Variants in RAD23B observed in about 807,000 individuals in gnomAD.
RAD23B encodes the protein lysine-specific demethylase RAD23B.
A neutral mutation model predicts 49.1 loss-of-function variants in RAD23B; 5 were observed. The ratio of observed to expected loss-of-function variants is 0.10; its 90% CI spans 0.05 to 0.21. The LOEUF is 0.21. Among genes scored for constraint, RAD23B ranks in the 10% least tolerant of loss-of-function variants. The pLI is 1.00. For missense variants in RAD23B, 356 were observed against 486.7 expected (o/e 0.73, Z 2.53); for synonymous variants, 184 against 165.4 (o/e 1.11, Z -0.86).
At chr9:107,305,829 G>A (rs1182748166) in intron 3 of RAD23B, among the ~76,000 whole-genome samples, 1 of 151,706 alleles carries the variant, frequency 6.6e-6, no homozygotes, top group Admixed American at 6.6e-5. Context: ...ATTATTTTGG[G>A]CTGGATGTAG....
chr9:107,293,377 A>G (rs1833422761), intron 1 of RAD23B, among the ~76,000 whole-genome samples: 1 of 152,152 alleles, frequency 6.6e-6, no homozygotes, highest in Admixed American at 6.5e-5. Context: ...GGCTACTACA[A>G]CCTCATAGAG....
chr9:107,291,231 T>C (rs183099824), intron 1 of RAD23B, among the ~76,000 whole-genome samples: 1 of 152,302 alleles, frequency 6.6e-6, no homozygotes, highest in East Asian at 1.9e-4. Context: ...ACTGGCGAGA[T>C]CCATTCTTTG....
At chr9:107,310,144 ATG>A (rs1308132966) in intron 4 of RAD23B, among the ~76,000 whole-genome samples, 2 of 152,312 alleles carry the variant, frequency 1.3e-5, no homozygotes, top group Admixed American at 6.5e-5. Flanking sequence ...TTTCAGAACA[ATG>A]TGGGGAAAAT....
In RAD23B at chr9:107,306,521, C is replaced by T. The variant is rs111972101; in HGVS notation, c.371C>T (p.Ala124Val). Residue 124 changes from alanine (A) to valine (V), a missense_variant, in exon 4 of 10, where the codon GCA (alanine) becomes GTA (valine). Coordinates refer to ENST00000358015, the MANE Select transcript of RAD23B (RefSeq NM_002874.5). ...VPALAPTSTP[A>V]SITPASATAS... ...GCCTTGGCCCCCACTTCCACACCTG[C>T]ATCCATCACTCCAGCATCAGCGACA... 774 of 1,614,034 alleles carry T rather than the reference C, an allele frequency of 4.8e-4. 1 individual carries two copies. Among genetic ancestry groups the T allele is most frequent in the Non-Finnish European group, 6.4e-4 (753 of 1,180,038 alleles).
chr9:107,291,263 A>G (rs973602840), intron 1 of RAD23B, among the ~76,000 whole-genome samples: 10 of 152,224 alleles, frequency 6.6e-5, no homozygotes, highest in African/African-American at 2.2e-4. Context: ...ACTTACAGGT[A>G]TCTTGGGAAT....
Position 107,324,835 on chromosome 9 carries a change from A to T in RAD23B, c.947A>T (p.Gln316Leu). ...IGRENPQLLQ[Q>L]ISQHQEHFIQ... ...TCTCTGTCCTTCATATCACCACAGCAAATTAGCCAACACCAGGAGCATTTT... is the reference window on the plus strand; with the variant it reads ...TCTCTGTCCTTCATATCACCACAGCTAATTAGCCAACACCAGGAGCATTTT... The change falls in exon 9 of 10, where the codon CAA becomes CTA. Residue 316 changes from glutamine to leucine, a missense_variant and splice_region_variant. Transcript: ENST00000358015. The T allele has an allele frequency of 6.2e-7, 1 of 1,602,758 alleles. No individual in the cohort carries two copies. Among genetic ancestry groups the T allele is most frequent in the Non-Finnish European group, 8.5e-7 (1 of 1,175,868 alleles).
At chr9:107,292,142 T>C (rs1564240126) in intron 1 of RAD23B, among the ~76,000 whole-genome samples, 1 of 151,726 alleles carries the variant, frequency 6.6e-6, no homozygotes, top group African/African-American at 2.4e-5. Flanking sequence ...TAGCTTTTTT[T>C]CCTCAAACAT....
Position 107,331,665 on chromosome 9 carries a change from T to A in RAD23B, c.*2009T>A. On this transcript the variant is annotated 3_prime_UTR_variant, in exon 10 of 10. Transcript: ENST00000358015. ...TTATTTTATGACATTCTCTGTCTAC[T>A]CAGATCATAGTGAAAACTGGAAACA... is the stretch of plus-strand genomic sequence containing the variant. The A allele has an allele frequency of 1.3e-6, 1 of 770,550 alleles. No homozygotes were observed. The highest frequency in any genetic ancestry group is 2.4e-6 in the Non-Finnish European group (1 of 415,838). 47.7% of individuals were successfully genotyped at this position (770,550 alleles called of 1,614,324 possible).
At chr9:107,291,844 TTGC>T (rs1833389959) in intron 1 of RAD23B, among the ~76,000 whole-genome samples, 1 of 152,258 alleles carries the variant, frequency 6.6e-6, no homozygotes, top group Non-Finnish European at 1.5e-5. Context: ...CAAAATTTAA[TTGC>T]TGCTATTATT....
intron 8 of RAD23B, 31 bp from the exon 9 acceptor site, chr9:107,324,803 T>C: frequency 6.5e-7 from 1 of 1,542,596 alleles, no homozygotes; most frequent in East Asian, 2.3e-5. Context: ...TATCAGTGTA[T>C]TATTTTTCTC....
intron 5 of RAD23B, among the ~76,000 whole-genome samples, chr9:107,314,396 A>C (rs1826950187): frequency 6.6e-6 from 1 of 152,044 alleles, no homozygotes. Flanking sequence ...ACTCTATATG[A>C]TGTGTGCCTA....
At chr9:107,323,801 G>T in intron 7 of RAD23B, 89 bp from the exon 8 acceptor site, 20 of 1,173,470 alleles carry the variant, frequency 1.7e-5, no homozygotes, top group Admixed American at 1.1e-4. Flanking sequence ...TTTTTTCTTT[G>T]ATAGTGTTTG....
rs375460196 is a variant in RAD23B, at chr9:107,289,454, G to A, written c.66+5759G>A. On this transcript the variant is annotated intron_variant, in intron 1 of 9. Coordinates refer to ENST00000358015, the MANE Select transcript of RAD23B (RefSeq NM_002874.5). ...TCCTGCCTCAGCCTCCTAAAGTGCT[G>A]GGATGACAGGCATGAGCCAGCACAC... is the stretch of plus-strand genomic sequence containing the variant. Among the ~76,000 whole-genome samples, 9 of 152,160 alleles carry A rather than the reference G, an allele frequency of 5.9e-5. No individual in the cohort carries two copies. The East Asian group carries it at 1.6e-3, about 26-fold the overall frequency.
intron 4 of RAD23B, among the ~76,000 whole-genome samples, chr9:107,310,546 T>G (rs1012004484): frequency 2.0e-5 from 3 of 152,240 alleles, no homozygotes; most frequent in Non-Finnish European, 4.4e-5. Flanking sequence ...ACACAAGTTG[T>G]TATTCTTTTA....
At chr9:107,310,000 G>A (rs551960233) in intron 4 of RAD23B, among the ~76,000 whole-genome samples, 4 of 151,532 alleles carry the variant, frequency 2.6e-5, no homozygotes, top group South Asian at 2.1e-4. Flanking sequence ...GTGTCTTACC[G>A]GATTTTAAAA....
intron 3 of RAD23B, 95 bp from the exon 4 acceptor site, chr9:107,306,284 C>A: frequency 8.4e-7 from 1 of 1,191,660 alleles, no homozygotes; most frequent in Non-Finnish European, 1.2e-6. Flanking sequence ...GTTATTAGTG[C>A]TATGTTTGTG....
intron 7 of RAD23B, among the ~76,000 whole-genome samples, chr9:107,323,179 C>T (rs1259275262): frequency 6.6e-6 from 1 of 152,032 alleles, no homozygotes; most frequent in Non-Finnish European, 1.5e-5. Flanking sequence ...GCCAGAAGTT[C>T]TGTATTTTAT....
At chr9:107,296,538 A>C (rs1587849438) in intron 1 of RAD23B, among the ~76,000 whole-genome samples, 1 of 151,932 alleles carries the variant, frequency 6.6e-6, no homozygotes, top group Non-Finnish European at 1.5e-5. Context: ...TATTAGTGCA[A>C]AAACAGTTTT....
In RAD23B at chr9:107,300,187, C is replaced by A; in HGVS notation, c.113C>A (p.Ala38Asp). 6.2e-7 allele frequency: 1 copy of A among 1,608,374 alleles called. No individual in the cohort carries two copies. The highest frequency in any genetic ancestry group is 1.1e-5 in the South Asian group (1 of 89,836). Residue 38 changes from alanine (A) to aspartate (D), a missense_variant, in exon 2 of 10, where the codon GCC (alanine) becomes GAC (aspartate). Around this residue, in one of 5 missense-constraint regions of RAD23B, gnomAD observed 32 missense variants for 62.3 expected, o/e 0.51. Coordinates refer to ENST00000358015, the MANE Select transcript of RAD23B (RefSeq NM_002874.5). The stretch of plus-strand genomic sequence containing the variant: ...ATTGAATCTGAAAAGGGGAAAGATG[C>A]CTTTCCAGTAGCAGGTCAAAAATTA... Reference protein sequence around the residue: ...EKIESEKGKDAFPVAGQKLIY... With the variant: ...EKIESEKGKDDFPVAGQKLIY...
Sources: gnomAD v4.1 joint callset for allele counts (sites outside exome capture counted in the v4.1 genomes callset) on GRCh38, gnomAD v4.1.1 for gene constraint, gnomAD v4.1.1 regional missense constraint, MANE v1.5 for transcripts, NCBI Gene and HGNC (gene_info 2026-07-23, HGNC 2026-07-21) for gene names.